Variants in ARHGEF18 observed in about 807,000 individuals in gnomAD.
ARHGEF18 encodes rho guanine nucleotide exchange factor 18.
Under a neutral mutation model 155.7 loss-of-function variants are expected in ARHGEF18, and 93 were observed. The observed-to-expected ratio is 0.60, with a 90% confidence interval of 0.50 to 0.71. The LOEUF is 0.71. Ranked by LOEUF, ARHGEF18 falls within the 30% of genes least tolerant of loss-of-function variation. The probability of loss-of-function intolerance (pLI) is 0.00; values close to 1 mark genes in which losing one functional copy is unlikely to be tolerated. For missense variants in ARHGEF18, 1,593 were observed against 1,816.1 expected (o/e 0.88, Z 2.23); for synonymous variants, 742 against 753.1 (o/e 0.99, Z 0.24).
chr19:7,478,479 C>T, the ARHGEF18 span: 27 of 1,231,558 alleles, frequency 2.2e-5, no homozygotes, highest in South Asian at 7.8e-5. Flanking sequence ...TGCTGCATCT[C>T]GGATAAACGG....
At chr19:7,466,767 G>A (rs538173431) in intron 23 of ARHGEF18, 151 bp from the exon 24 acceptor site, 34 of 760,446 alleles carry the variant, frequency 4.5e-5, no homozygotes, top group Middle Eastern at 3.7e-4. Context: ...TCGCGCCACT[G>A]CACTCCAGCT....
chr19:7,400,318 A>G (rs1971968004), intron 10 of ARHGEF18, among the ~76,000 whole-genome samples: 1 of 152,076 alleles, frequency 6.6e-6, no homozygotes, highest in Admixed American at 6.6e-5. Context: ...ATTCCAGGAC[A>G]TCTTATTATT....
intron 15 of ARHGEF18, among the ~76,000 whole-genome samples, chr19:7,450,799 C>T (rs201188584): frequency 0.085 from 6,638 of 78,168 alleles, 4 homozygotes; most frequent in Middle Eastern, 0.18. Context: ...TCTTGCTTTC[C>T]GTTTCCGAGA....
chr19:7,378,780 C>T (rs891992041), intron 6 of ARHGEF18, among the ~76,000 whole-genome samples: 1 of 148,104 alleles, frequency 6.8e-6, no homozygotes, highest in Non-Finnish European at 1.5e-5. Context: ...GCAGCCTCTG[C>T]CCCCTGGGTT....
intron 7 of ARHGEF18, 84 bp from the exon 8 acceptor site, chr19:7,380,833 G>C: frequency 1.2e-5 from 10 of 863,220 alleles, no homozygotes; most frequent in Non-Finnish European, 1.5e-5. Flanking sequence ...GGTACCTGGT[G>C]TATGCCTGTA....
chr19:7,449,665 T>C (rs1294243258), intron 15 of ARHGEF18, among the ~76,000 whole-genome samples: 1 of 151,982 alleles, frequency 6.6e-6, no homozygotes, highest in African/African-American at 2.4e-5. Context: ...AATAACCCCC[T>C]GGCTGGTTCT....
downstream of ARHGEF18, chr19:7,473,095 G>T (rs1415041128): frequency 2.2e-6 from 1 of 456,250 alleles, no homozygotes; most frequent in South Asian, 1.5e-5. Flanking sequence ...CACAATAACC[G>T]CAAAGGCTGG....
chr19:7,465,117 T>A (rs1216247921), intron 23 of ARHGEF18, among the ~76,000 whole-genome samples: 1 of 152,222 alleles, frequency 6.6e-6, no homozygotes, highest in Non-Finnish European at 1.5e-5. Context: ...CAAGGCCAGT[T>A]GCCTCTGATC....
intron 5 of ARHGEF18, among the ~76,000 whole-genome samples, chr19:7,377,905 T>C (rs1970536456): frequency 6.6e-6 from 1 of 151,366 alleles, no homozygotes; most frequent in Admixed American, 6.6e-5. Flanking sequence ...GCCAACATGG[T>C]GAAACCCCGT....
At chr19:7,452,097 G>A (rs915870551) in intron 16 of ARHGEF18, among the ~76,000 whole-genome samples, 5 of 152,228 alleles carry the variant, frequency 3.3e-5, no homozygotes, top group Admixed American at 6.5e-5. Flanking sequence ...GGTCTCATTT[G>A]CCAACTGTTT....
rs529520662 is a variant in ARHGEF18, at chr19:7,350,087, T to C, written c.-111+846T>C. Reference sequence around the variant, plus strand: ...GGGAGACATCCCCTGTCTCCTCTCGTGGCCCCTTCTTAGGGGGACCTCCTG... The same window carrying C: ...GGGAGACATCCCCTGTCTCCTCTCGCGGCCCCTTCTTAGGGGGACCTCCTG... On this transcript the variant is annotated intron_variant, in intron 1 of 28. Coordinates refer to ENST00000668164, the MANE Select transcript of ARHGEF18 (RefSeq NM_001367823.1). Among the ~76,000 whole-genome samples, 186 of 152,282 alleles carry C rather than the reference T, an allele frequency of 1.2e-3. 2 individuals carry two copies. The highest frequency in any genetic ancestry group is 3.4e-3 in the Middle Eastern group (1 of 294).
intron 10 of ARHGEF18, among the ~76,000 whole-genome samples, chr19:7,432,270 C>T (rs181431161): frequency 1.3e-5 from 2 of 152,200 alleles, no homozygotes; most frequent in Admixed American, 6.6e-5. Flanking sequence ...AATTGTCTCT[C>T]GAACACTCAC....
At position 7,459,920 on chromosome 19, in the gene ARHGEF18, A is replaced by C. The variant is rs1307972705; in HGVS notation, c.2378A>C (p.Glu793Ala). Residue 793 changes from glutamate to alanine, a missense_variant, in exon 20 of 29, where the codon GAG (glutamate) becomes GCG (alanine). Coordinates refer to ENST00000668164, the MANE Select transcript of ARHGEF18 (RefSeq NM_001367823.1). ...CCCTGCAGCTGCCCTGACGAGGAGG[A>C]GGGGCCCTTCAGCCTGCCCGAAGAG... is the stretch of plus-strand genomic sequence containing the variant. ...RAVESCPDEE[E>A]GPFSLPEEER... The C allele has an allele frequency of 6.3e-7, 1 of 1,582,112 alleles. No homozygotes were observed. Among genetic ancestry groups the C allele is most frequent in the Non-Finnish European group, 8.6e-7 (1 of 1,164,206 alleles).
chr19:7,443,729 A>C (rs1055906055), intron 13 of ARHGEF18, among the ~76,000 whole-genome samples: 1 of 100,600 alleles, frequency 9.9e-6, no homozygotes, highest in African/African-American at 3.0e-5. Context: ...GTTCCTCAGA[A>C]CACTCTTCTT....
chr19:7,447,721 G>A (rs986361957), intron 15 of ARHGEF18, among the ~76,000 whole-genome samples: 1 of 152,112 alleles, frequency 6.6e-6, no homozygotes, highest in Admixed American at 6.6e-5. Flanking sequence ...CGGGCCAGAT[G>A]CAATGCCTCA....
Position 7,455,043 on chromosome 19 carries a change from T to G in ARHGEF18, c.2105-1284T>G, listed in dbSNP as rs115140087. 6.9e-3 allele frequency among the ~76,000 whole-genome samples: 1,051 copies of G among 152,300 alleles called. 12 individuals are homozygous for G. Among genetic ancestry groups the G allele is most frequent in the African/African-American group, 0.024 (1,013 of 41,562 alleles). On this transcript the variant is annotated intron_variant, in intron 17 of 28. Transcript: ENST00000668164. ...GATTCATTCCTGGGTTTCCTGTTCA[T>G]TTTTGGAGCCTCTAGAAACATCCCA...
chr19:7,372,414 G>C (rs948594625), intron 2 of ARHGEF18, among the ~76,000 whole-genome samples: 50 of 151,776 alleles, frequency 3.3e-4, no homozygotes, highest in African/African-American at 1.2e-3. Flanking sequence ...GAAGAGGGAA[G>C]TGAAGGACAA....
rs1600535754 is a variant in ARHGEF18, at chr19:7,463,649, T to C, written c.2636-169T>C. On this transcript the variant is annotated intron_variant, in intron 21 of 28. Coordinates refer to ENST00000668164, the MANE Select transcript of ARHGEF18 (RefSeq NM_001367823.1). This position sits in a 1 kb window ranked among gnomAD's most constrained non-coding sequence, Gnocchi z 5.2. Reference sequence around the variant, plus strand: ...CTGGTGGCCATACCTGAAGTAAGGGTGTGCGCAGGGACAGTGGGGCTGAAA... The same window carrying C: ...CTGGTGGCCATACCTGAAGTAAGGGCGTGCGCAGGGACAGTGGGGCTGAAA... 2.0e-5 allele frequency among the ~76,000 whole-genome samples: 3 copies of C among 152,172 alleles called. No homozygotes were observed. The highest frequency in any genetic ancestry group is 7.2e-5 in the African/African-American group (3 of 41,500).
At chr19:7,464,115 G>A (rs543899802) in intron 22 of ARHGEF18, among the ~76,000 whole-genome samples, 160 bp downstream of exon 22, 361 of 152,288 alleles carry the variant, frequency 2.4e-3, no homozygotes, top group Admixed American at 7.8e-3. Flanking sequence ...TCAGCTCTCT[G>A]CAACCTCTGC....
Sources: allele counts gnomAD v4.1 joint callset (sites outside exome capture counted in the v4.1 genomes callset), GRCh38; gene constraint gnomAD v4.1.1; non-coding constraint Gnocchi (gnomAD v3.1); transcripts MANE v1.5; gene names NCBI Gene and HGNC (gene_info 2026-07-23, HGNC 2026-07-21).